PVRIG: variants seen among roughly 807,000 people sequenced by gnomAD.
PVRIG encodes the protein PVR related immunoglobulin domain containing, also known as transmembrane protein PVRIG.
Under a neutral mutation model 21.9 loss-of-function variants are expected in PVRIG, and 16 were observed. The ratio of observed to expected loss-of-function variants is 0.73; its 90% CI spans 0.50 to 1.11. The LOEUF (loss-of-function observed/expected upper bound fraction) is 1.11. Ranked by LOEUF, PVRIG falls within the 50% of genes most tolerant of loss-of-function variation. The probability of loss-of-function intolerance (pLI) is 0.00; values close to 1 mark genes in which losing one functional copy is unlikely to be tolerated. For synonymous variants in PVRIG, 190 were observed against 181.0 expected (o/e 1.05, Z -0.40); for missense variants, 435 against 445.7 (o/e 0.98, Z 0.22).
chr7:100,221,115 G>A (rs1245703116), exon 6 of PVRIG: 12 of 1,613,790 alleles, frequency 7.4e-6, no homozygotes, highest in East Asian at 4.5e-5. Context: ...ATCCCTGCAC[G>A]TGGCAGCTTT....
At chr7:100,221,044 G>A (rs556053924) in exon 6 of PVRIG, 36 of 1,613,432 alleles carry the variant, frequency 2.2e-5, no homozygotes, top group African/African-American at 4.0e-5. Flanking sequence ...CCTGGTGGGC[G>A]TCACTCCCCA....
exon 6 of PVRIG, chr7:100,221,378 GGT>G: frequency 4.5e-6 from 3 of 662,868 alleles, no homozygotes; most frequent in Non-Finnish European, 6.8e-6. Flanking sequence ...CTGCGGATGT[GGT>G]CTCTGTGTGT....
At chr7:100,219,985 C>T in exon 2 of PVRIG, 2 of 1,593,182 alleles carry the variant, frequency 1.3e-6, no homozygotes, top group Non-Finnish European at 1.7e-6. Context: ...GGCACCGGAC[C>T]CTGGTCCTGC....
At chr7:100,220,868 G>A (rs1342062810) in intron 5 of PVRIG, 48 bp downstream of exon 4, 1 of 1,599,886 alleles carries the variant, frequency 6.3e-7, no homozygotes, top group Non-Finnish European at 8.5e-7. Context: ...GGCAGGGGCA[G>A]GGGGGCCAGG....
chr7:100,220,630 G>A (rs1373584292), exon 4 of PVRIG: 1 of 1,611,566 alleles, frequency 6.2e-7, no homozygotes. Flanking sequence ...CCTCCTCTTT[G>A]GCTGTGTCTA....
exon 2 of PVRIG, chr7:100,219,844 TG>T: frequency 7.8e-7 from 1 of 1,277,950 alleles, no homozygotes; most frequent in Non-Finnish European, 1.1e-6. Flanking sequence ...TCACCACCTC[TG>T]GGGAAGGTGT....
At chr7:100,219,670 C>T in intron 1 of PVRIG, 1 of 589,938 alleles carries the variant, frequency 1.7e-6, no homozygotes. Context: ...GGGAGTCCTT[C>T]TAGCCCCTGA....
chr7:100,219,619 C>CT (rs1803069385), intron 1 of PVRIG: 2 of 516,088 alleles, frequency 3.9e-6, no homozygotes, highest in African/African-American at 3.9e-5. Context: ...GGACAGAGCC[C>CT]TTTCTTAGGG....
At chr7:100,219,457 G>A (rs2117678473) in intron 1 of PVRIG, 1 of 223,694 alleles carries the variant, frequency 4.5e-6, no homozygotes, top group African/African-American at 2.4e-5. Context: ...CAGGCTGGGG[G>A]TTGTGGGGGA....
chr7:100,221,430 A>C, exon 6 of PVRIG: 2 of 478,688 alleles, frequency 4.2e-6, no homozygotes, highest in Non-Finnish European at 3.6e-6. Flanking sequence ...AGTGACAGTT[A>C]CCCCATTTCA....
exon 2 of PVRIG, chr7:100,219,799 C>T: frequency 1.2e-6 from 1 of 843,546 alleles, no homozygotes; most frequent in South Asian, 1.6e-5. Flanking sequence ...CAGGCCCTCA[C>T]TGTCACTTTA....
At chr7:100,219,953 C>G in exon 2 of PVRIG, 1 of 1,560,282 alleles carries the variant, frequency 6.4e-7, no homozygotes, top group Non-Finnish European at 8.7e-7. Flanking sequence ...GCCCCCAGAA[C>G]CTGGACTGGA....
At chr7:100,221,229 A>T (rs1167377958) in exon 6 of PVRIG, 3 of 1,598,182 alleles carry the variant, frequency 1.9e-6, no homozygotes, top group Admixed American at 3.4e-5. Context: ...AGGGCCATGG[A>T]AGGACCCTTA....
rs1246801612 is a variant in PVRIG, at chr7:100,220,755, C to G, written c.597-5C>G. The G allele has an allele frequency of 6.2e-7, 1 of 1,606,156 alleles. No homozygotes were observed. The highest frequency in any genetic ancestry group is 1.7e-5 in the Admixed American group (1 of 59,988). ...AGAGCTCTGACCATCCTTGCTCTCT[C>G]CCAGCCCTGCCCCTAGGCTCCAGCC... is the stretch of plus-strand genomic sequence containing the variant. On this transcript the variant is annotated splice_polypyrimidine_tract_variant and splice_region_variant and intron_variant, in intron 4 of 5. Transcript: ENST00000317271.
At chr7:100,221,017 C>A in exon 6 of PVRIG, 1 of 1,611,876 alleles carries the variant, frequency 6.2e-7, no homozygotes, top group Non-Finnish European at 8.5e-7. Flanking sequence ...ACACAGCTCA[C>A]CCCCATGGGG....
chr7:100,219,499 A>C, intron 1 of PVRIG: 1 of 271,586 alleles, frequency 3.7e-6, no homozygotes, highest in South Asian at 3.8e-5. Flanking sequence ...CGTGGGACCC[A>C]CATCAGATTG....
intron 5 of PVRIG, 39 bp downstream of exon 4, chr7:100,220,859 G>T (rs767742624): frequency 1.3e-6 from 2 of 1,599,864 alleles, no homozygotes; most frequent in East Asian, 4.5e-5. Flanking sequence ...GGTGACAGGG[G>T]CAGGGGCAGG....
chr7:100,221,490 C>T (rs1803251427), exon 6 of PVRIG: 3 of 441,950 alleles, frequency 6.8e-6, no homozygotes, highest in Non-Finnish European at 1.2e-5. Context: ...CTGATGTCGG[C>T]CTCGGCTGTG....
chr7:100,219,820 C>T (rs1803085940), exon 2 of PVRIG: 1 of 1,004,112 alleles, frequency 1.0e-6, no homozygotes, highest in Non-Finnish European at 1.5e-6. Context: ...AGAAGGGAAT[C>T]AGCCACTTTG....
Sources: allele counts gnomAD v4.1 joint callset, GRCh38; gene constraint gnomAD v4.1.1; transcripts MANE v1.5; gene names NCBI Gene and HGNC (gene_info 2026-07-23, HGNC 2026-07-21).